The following ITPK1 variants were observed in gnomAD, a reference collection of about 807,000 sequenced individuals.
ITPK1 encodes inositol-tetrakisphosphate 1-kinase.
Under a neutral mutation model 45.3 loss-of-function variants are expected in ITPK1, and 21 were observed. The observed-to-expected ratio is 0.46, with a 90% CI of 0.33 to 0.67. The LOEUF (loss-of-function observed/expected upper bound fraction) is 0.67, where lower values mean the gene tolerates loss of function less well. ITPK1 is among the 30% of genes least tolerant of loss of function. The pLI is 0.02. For synonymous variants in ITPK1, 258 were observed against 253.6 expected (o/e 1.02, Z -0.16); for missense variants, 474 against 573.5 (o/e 0.83, Z 1.77).
At chr14:92,988,916 C>T (rs530186092) in intron 5 of ITPK1, among the ~76,000 whole-genome samples, 67 of 152,298 alleles carry the variant, frequency 4.4e-4, no homozygotes, top group South Asian at 1.7e-3. Context: ...CGCTGACAGA[C>T]GCACAGCTCA....
chr14:93,072,562 T>C (rs1255363287), intron 3 of ITPK1, among the ~76,000 whole-genome samples: 1 of 151,746 alleles, frequency 6.6e-6, no homozygotes, highest in African/African-American at 2.4e-5. Context: ...GATTCCTTTA[T>C]AATTATTTGC....
chr14:92,946,132 C>A (rs1007431340), intron 10 of ITPK1, among the ~76,000 whole-genome samples, 199 bp downstream of exon 10: 1 of 152,166 alleles, frequency 6.6e-6, no homozygotes, highest in African/African-American at 2.4e-5. Flanking sequence ...GGTGGACGTG[C>A]AGCTCTCCCT....
intron 5 of ITPK1, among the ~76,000 whole-genome samples, chr14:92,978,558 T>A (rs1275033389): frequency 6.6e-6 from 1 of 151,776 alleles, no homozygotes; most frequent in Admixed American, 6.5e-5. Context: ...AGGGAAAAAT[T>A]GTTTTGTGGG....
intron 4 of ITPK1, 73 bp from the exon 5 acceptor site, chr14:92,994,070 G>A (rs1315248869): frequency 2.2e-6 from 2 of 925,410 alleles, no homozygotes; most frequent in Non-Finnish European, 3.6e-6. Flanking sequence ...CGCGCCCTCT[G>A]CACGTCCATC....
In ITPK1 at chr14:92,975,026, A is replaced by C. The variant is rs568050948; in HGVS notation, c.365-12177T>G. Reference sequence around the variant, plus strand: ...CATGAGGAGAGGGTAGGGAAGTGGCATCTCCTGAGTGTTGGCATGCCTCAT... The same window carrying C: ...CATGAGGAGAGGGTAGGGAAGTGGCCTCTCCTGAGTGTTGGCATGCCTCAT... On this transcript the variant is annotated intron_variant, in intron 5 of 10. Transcript: ENST00000267615. Among the ~76,000 whole-genome samples, 5 of 152,292 alleles carry C rather than the reference A, an allele frequency of 3.3e-5. No individual in the cohort carries two copies. The East Asian group carries it at 9.7e-4, about 29-fold the overall frequency.
rs950403175 is a variant in ITPK1, at chr14:93,032,958, G to A, written c.121-16157C>T. Among the ~76,000 whole-genome samples the A allele has an allele frequency of 1.1e-4, 17 of 152,218 alleles. No homozygotes were observed. Among genetic ancestry groups the A allele is most frequent in the African/African-American group, 3.9e-4 (16 of 41,454 alleles). On this transcript the variant is annotated intron_variant, in intron 3 of 10. Transcript: ENST00000267615. This position sits in a 1 kb window ranked among gnomAD's most constrained non-coding sequence, Gnocchi z 4.0. The stretch of plus-strand genomic sequence containing the variant: ...GAGCTGGTGGGCTTCATCTCCCTGG[G>A]CAGCAGTTGTGAGCTGCTGAGAAGG...
rs147585596 is a variant in ITPK1, at chr14:93,023,875, T to A, written c.121-7074A>T. ...CTAGCAGTCCCCTCAACCTGCCAGA[T>A]GAGTCCCTCGATCCCGTGCATCTTG... On this transcript the variant is annotated intron_variant, in intron 3 of 10. Transcript: ENST00000267615. Among the ~76,000 whole-genome samples the A allele has an allele frequency of 4.5e-3, 685 of 152,226 alleles. 7 individuals are homozygous for A. Among genetic ancestry groups the A allele is most frequent in the African/African-American group, 0.016 (644 of 41,530 alleles).
chr14:93,112,762 C>T (rs989674812), intron 2 of ITPK1, among the ~76,000 whole-genome samples: 5 of 152,104 alleles, frequency 3.3e-5, no homozygotes, highest in Non-Finnish European at 5.9e-5. Flanking sequence ...TTTCAAATAC[C>T]TTTAGACTTT....
intron 3 of ITPK1, among the ~76,000 whole-genome samples, chr14:93,065,556 A>G (rs1292494756): frequency 6.6e-6 from 1 of 152,230 alleles, no homozygotes; most frequent in Non-Finnish European, 1.5e-5. Context: ...AGAGGGGGCA[A>G]GTAACCTGTC....
chr14:93,095,534 C>T (rs1566783410), intron 2 of ITPK1, among the ~76,000 whole-genome samples: 2 of 151,748 alleles, frequency 1.3e-5, no homozygotes, highest in Non-Finnish European at 2.9e-5. Flanking sequence ...ATCAGCACCA[C>T]CCAAAGCTTT....
In ITPK1 at chr14:93,077,220, T is replaced by C. The variant is rs373872189; in HGVS notation, c.96-601A>G. 5.1e-3 allele frequency among the ~76,000 whole-genome samples: 778 copies of C among 152,288 alleles called. 1 individual carries two copies. The highest frequency in any genetic ancestry group is 6.9e-3 in the Non-Finnish European group (466 of 68,016). ...GCAGTCCCACGGCCACCACGTAACC[T>C]GACTCTTGCCACCCAATTTTAGGAG... On this transcript the variant is annotated intron_variant, in intron 2 of 10. Coordinates refer to ENST00000267615, the MANE Select transcript of ITPK1 (RefSeq NM_014216.6).
chr14:93,029,006 CCT>C (rs1323681448), intron 3 of ITPK1, among the ~76,000 whole-genome samples: 2 of 152,200 alleles, frequency 1.3e-5, no homozygotes, highest in Non-Finnish European at 2.9e-5. Context: ...CCCCGTGGCC[CCT>C]GTGTGGCCTG....
rs190431729 is a variant in ITPK1 at position 93,098,490 on chromosome 14, T to C, written c.95+16579A>G. ...AAAACACACAAAAATTAGCCGGGCG[T>C]GGTGGTGGGCGCCTGTAACCCCAGC... On this transcript the variant is annotated intron_variant, in intron 2 of 10. Transcript: ENST00000267615. 1.0e-4 allele frequency among the ~76,000 whole-genome samples: 15 copies of C among 149,870 alleles called. No homozygotes were observed. In the East Asian group the frequency reaches 2.9e-3, roughly 29 times the overall value.
intron 8 of ITPK1, among the ~76,000 whole-genome samples, chr14:92,953,150 A>G (rs1888038637): frequency 6.6e-6 from 1 of 152,264 alleles, no homozygotes; most frequent in African/African-American, 2.4e-5. Context: ...CTGGCTGCCA[A>G]CGACCCATCA....
In ITPK1 at chr14:92,980,831, C is replaced by T. The variant is rs554322989; in HGVS notation, c.364+13049G>A. Reference sequence around the variant, plus strand: ...CAAGCAATTCTCCTGCCTCAGCCTCCGAAGTAGCTGGGACTACAGGCACGT... The same window carrying T: ...CAAGCAATTCTCCTGCCTCAGCCTCTGAAGTAGCTGGGACTACAGGCACGT... On this transcript the variant is annotated intron_variant, in intron 5 of 10. Transcript: ENST00000267615. Among the ~76,000 whole-genome samples the T allele has an allele frequency of 8.5e-5, 13 of 152,256 alleles. No homozygotes were observed. The East Asian group carries it at 9.6e-4, about 11-fold the overall frequency.
At chr14:93,019,877 G>T (rs2139864106) in intron 3 of ITPK1, among the ~76,000 whole-genome samples, 1 of 152,300 alleles carries the variant, frequency 6.6e-6, no homozygotes, top group South Asian at 2.1e-4. Context: ...CTCATTTCAA[G>T]GTTGTCATTC....
chr14:92,942,019 C>T, intron 10 of ITPK1, 115 bp from the exon 11 acceptor site: 1 of 894,418 alleles, frequency 1.1e-6, no homozygotes. Context: ...GGTGTGCTGT[C>T]AGCGTCCCAT....
intron 5 of ITPK1, among the ~76,000 whole-genome samples, chr14:92,967,105 T>G (rs1354523128): frequency 2.0e-5 from 3 of 152,178 alleles, no homozygotes; most frequent in Admixed American, 6.5e-5. Context: ...TCATCAAAAT[T>G]TAAAATGTTT....
chr14:92,968,153 A>AACC (rs1416999625), intron 5 of ITPK1, among the ~76,000 whole-genome samples: 2 of 152,068 alleles, frequency 1.3e-5, no homozygotes, highest in Admixed American at 1.3e-4. Context: ...AACATGGTGA[A>AACC]ACCCTGTCTC....
Sources: allele counts gnomAD v4.1 joint callset (sites outside exome capture counted in the v4.1 genomes callset), GRCh38; gene constraint gnomAD v4.1.1; non-coding constraint Gnocchi (gnomAD v3.1); transcripts MANE v1.5; gene names NCBI Gene and HGNC (gene_info 2026-07-23, HGNC 2026-07-21).